The following ARMC2 variants were observed in gnomAD, a reference collection of about 807,000 sequenced individuals.
The protein encoded by ARMC2 is armadillo repeat-containing protein 2.
In ARMC2, 67 loss-of-function variants were observed where a neutral mutation model predicts 90.3. The observed-to-expected ratio is 0.74, with a 90% CI of 0.61 to 0.91. The LOEUF is 0.91. ARMC2 is among the 40% of genes least tolerant of loss of function. The pLI, the probability that ARMC2 is intolerant of heterozygous loss-of-function variation, is 0.00. For synonymous variants in ARMC2, 393 were observed against 393.0 expected (o/e 1.00, Z 0.00); for missense variants, 920 against 1,030.9 (o/e 0.89, Z 1.47).
At chr6:108,882,541 G>A (rs531887335) in intron 5 of ARMC2, among the ~76,000 whole-genome samples, 3 of 151,650 alleles carry the variant, frequency 2.0e-5, no homozygotes, top group South Asian at 2.1e-4. Context: ...CTTACAGTAC[G>A]CAAAAAAGAA....
chr6:108,984,224 T>A, the ARMC2 span, among the ~76,000 whole-genome samples: 2 of 152,134 alleles, frequency 1.3e-5, no homozygotes, highest in Admixed American at 1.3e-4. Context: ...GCCAAAAAGG[T>A]TGGGGACTGC....
chr6:108,884,083 G>T (rs922759392), intron 5 of ARMC2, among the ~76,000 whole-genome samples: 8 of 152,184 alleles, frequency 5.3e-5, no homozygotes, highest in African/African-American at 1.7e-4. Flanking sequence ...CAATGTGGCT[G>T]AGAAACTTTC....
At chr6:108,994,700 T>C in the ARMC2 span, 4 of 404,332 alleles carry the variant, frequency 9.9e-6, no homozygotes, top group African/African-American at 2.4e-5. Context: ...ATTTATATCT[T>C]TTTTTTTTTT....
In ARMC2 at chr6:108,864,997, A is replaced by T. The variant is rs898410800; in HGVS notation, c.292-3827A>T. ...TGAGGTAGTTAATATTCTCAAGTGA[A>T]TTTTTTTTTTTTTTTTTTTGAGACA... On this transcript the variant is annotated intron_variant, in intron 3 of 17. Coordinates refer to ENST00000392644, the MANE Select transcript of ARMC2 (RefSeq NM_032131.6). Among the ~76,000 whole-genome samples, 19 of 132,814 alleles carry T rather than the reference A, an allele frequency of 1.4e-4. No homozygotes were observed. The East Asian group carries it at 2.8e-3, about 20-fold the overall frequency. 87.1% of individuals were successfully genotyped at this position (132,814 alleles called of 152,430 possible). A position where few individuals can be genotyped will look rare whatever the true frequency, so the allele number is the denominator to read the frequency against.
the ARMC2 span, among the ~76,000 whole-genome samples, chr6:108,995,260 T>C: frequency 6.6e-6 from 1 of 152,362 alleles, no homozygotes; most frequent in East Asian, 1.9e-4. Flanking sequence ...TTGCTTAATC[T>C]TTAAATAAAT....
At chr6:109,010,794 T>C in the ARMC2 span, among the ~76,000 whole-genome samples, 1 of 152,218 alleles carries the variant, frequency 6.6e-6, no homozygotes, top group South Asian at 2.1e-4. Context: ...TTCCAAGCTC[T>C]CATCCACTGA....
At chr6:109,034,237 GAAT>G in the ARMC2 span, among the ~76,000 whole-genome samples, 4 of 152,102 alleles carry the variant, frequency 2.6e-5, no homozygotes, top group African/African-American at 9.7e-5. Flanking sequence ...TTTTGGACTT[GAAT>G]AATATGTATT....
intron 10 of ARMC2, among the ~76,000 whole-genome samples, chr6:108,920,665 G>T (rs1025834667): frequency 2.6e-5 from 4 of 152,178 alleles, no homozygotes; most frequent in Admixed American, 2.6e-4. Context: ...GGCTGGGGAT[G>T]GGGATAAAGT....
At chr6:109,001,791 AAC>A in the ARMC2 span, among the ~76,000 whole-genome samples, 4 of 152,206 alleles carry the variant, frequency 2.6e-5, no homozygotes, top group Non-Finnish European at 4.4e-5. Flanking sequence ...AGAGCTTGCA[AAC>A]AGACACTAAA....
chr6:108,900,440 T>G (rs1203077342), intron 7 of ARMC2, among the ~76,000 whole-genome samples: 2 of 152,184 alleles, frequency 1.3e-5, no homozygotes, highest in African/African-American at 4.8e-5. Flanking sequence ...TTTCTGAAGT[T>G]AACCAGGCTC....
intron 10 of ARMC2, among the ~76,000 whole-genome samples, chr6:108,925,643 A>G (rs879267519): frequency 1.3e-5 from 2 of 152,204 alleles, no homozygotes. Flanking sequence ...CAAAAAGCCA[A>G]TATGGCTTGG....
intron 2 of ARMC2, 30 bp downstream of exon 2, chr6:108,854,515 C>A: frequency 6.3e-7 from 1 of 1,592,950 alleles, no homozygotes; most frequent in South Asian, 1.1e-5. Context: ...CATGTTCATT[C>A]AGATATTTAA....
intron 12 of ARMC2, among the ~76,000 whole-genome samples, chr6:108,952,646 A>G (rs538590609): frequency 6.6e-6 from 1 of 151,600 alleles, no homozygotes; most frequent in Admixed American, 6.6e-5. Flanking sequence ...ACGAAATTTT[A>G]AGGAAAGATT....
At chr6:109,014,570 G>A in the ARMC2 span, among the ~76,000 whole-genome samples, 1 of 152,240 alleles carries the variant, frequency 6.6e-6, no homozygotes, top group African/African-American at 2.4e-5. Flanking sequence ...AAGAAAAGAG[G>A]GTAGAAAGAC....
chr6:108,980,486 G>A, the ARMC2 span, among the ~76,000 whole-genome samples: 1 of 136,962 alleles, frequency 7.3e-6, no homozygotes, highest in Non-Finnish European at 1.6e-5. Flanking sequence ...ACCACTTGAG[G>A]AGGCAGTCTG....
chr6:108,998,666 T>A, the ARMC2 span: 1 of 1,613,880 alleles, frequency 6.2e-7, no homozygotes, highest in African/African-American at 1.3e-5. Flanking sequence ...CGAATGTGAA[T>A]GAGGCAAGAG....
At chr6:108,860,838 G>A (rs1775161953) in intron 3 of ARMC2, among the ~76,000 whole-genome samples, 1 of 152,128 alleles carries the variant, frequency 6.6e-6, no homozygotes, top group African/African-American at 2.4e-5. Flanking sequence ...CTGTAAAGAA[G>A]TATCTTCCAC....
intron 10 of ARMC2, among the ~76,000 whole-genome samples, chr6:108,925,195 C>T (rs1173531315): frequency 6.6e-6 from 1 of 152,214 alleles, no homozygotes; most frequent in Non-Finnish European, 1.5e-5. Flanking sequence ...AGCTGGGTAA[C>T]TACAGAGTCC....
At chr6:108,969,726 A>T (rs1778625669) in intron 17 of ARMC2, among the ~76,000 whole-genome samples, 1 of 152,242 alleles carries the variant, frequency 6.6e-6, no homozygotes, top group Admixed American at 6.5e-5. Context: ...TTTCTAACTT[A>T]TGATGATTCA....
Sources: gnomAD v4.1 joint callset for allele counts (sites outside exome capture counted in the v4.1 genomes callset) on GRCh38, gnomAD v4.1.1 for gene constraint, MANE v1.5 for transcripts, NCBI Gene and HGNC (gene_info 2026-07-23, HGNC 2026-07-21) for gene names.